SLC30A8: variants seen among roughly 807,000 people sequenced by gnomAD.
SLC30A8 encodes solute carrier family 30 member 8.
A neutral mutation model predicts 36.9 loss-of-function variants in SLC30A8; 27 were observed. The observed-to-expected ratio is 0.73, with a 90% CI of 0.54 to 1.01. The LOEUF (loss-of-function observed/expected upper bound fraction) is 1.01, where lower values mean the gene tolerates loss of function less well. Ranked by LOEUF, SLC30A8 falls within the 50% of genes least tolerant of loss-of-function variation. SLC30A8 has a pLI of 0.00. For missense variants in SLC30A8, 439 were observed against 452.0 expected (o/e 0.97, Z 0.26); for synonymous variants, 164 against 172.4 (o/e 0.95, Z 0.38).
chr8:116,965,235 G>T (rs527659414), intron 1 of SLC30A8, among the ~76,000 whole-genome samples: 1 of 152,282 alleles, frequency 6.6e-6, no homozygotes, highest in South Asian at 2.1e-4. Context: ...ACCACGCCTG[G>T]CTGGTAGTAC....
intron 2 of SLC30A8, among the ~76,000 whole-genome samples, chr8:117,086,534 G>A (rs955733287): frequency 6.6e-6 from 1 of 152,154 alleles, no homozygotes; most frequent in African/African-American, 2.4e-5. Context: ...TCAAACATCT[G>A]TGAATTGGCT....
At chr8:116,990,632 A>G (rs1815604897) in intron 1 of SLC30A8, among the ~76,000 whole-genome samples, 1 of 152,302 alleles carries the variant, frequency 6.6e-6, no homozygotes, top group South Asian at 2.1e-4. Flanking sequence ...ACTATATGCA[A>G]TGTGGTGTCT....
At chr8:117,103,220 G>A (rs969412305) in intron 2 of SLC30A8, among the ~76,000 whole-genome samples, 1 of 152,006 alleles carries the variant, frequency 6.6e-6, no homozygotes, top group Non-Finnish European at 1.5e-5. Flanking sequence ...GACAGCCACA[G>A]GGTAGAAAAT....
intron 2 of SLC30A8, among the ~76,000 whole-genome samples, chr8:117,103,709 A>C (rs1017892544): frequency 6.6e-6 from 1 of 152,110 alleles, no homozygotes; most frequent in African/African-American, 2.4e-5. Flanking sequence ...TCCTGGCTTC[A>C]AGCAATCCAT....
intron 2 of SLC30A8, among the ~76,000 whole-genome samples, chr8:117,068,025 A>T (rs1818220141): frequency 6.6e-6 from 1 of 152,256 alleles, no homozygotes; most frequent in Admixed American, 6.5e-5. Flanking sequence ...CTTTGAACAG[A>T]TTCATTTTTT....
At chr8:117,093,523 T>C (rs1052804286) in intron 2 of SLC30A8, among the ~76,000 whole-genome samples, 1 of 152,040 alleles carries the variant, frequency 6.6e-6, no homozygotes, top group Non-Finnish European at 1.5e-5. Context: ...CAGGAACTTA[T>C]ATTGGTTTAT....
intron 4 of SLC30A8, among the ~76,000 whole-genome samples, chr8:117,159,890 A>G (rs566286854): frequency 1.3e-5 from 2 of 152,360 alleles, no homozygotes; most frequent in African/African-American, 2.4e-5. Flanking sequence ...CTAAACAGAT[A>G]TCATCCAAAT....
At chr8:117,169,165 A>G (rs993152908) in intron 6 of SLC30A8, among the ~76,000 whole-genome samples, 26 of 152,276 alleles carry the variant, frequency 1.7e-4, no homozygotes, top group African/African-American at 6.3e-4. Flanking sequence ...ATAGAGTAAA[A>G]TAGCATGATA....
intron 2 of SLC30A8, among the ~76,000 whole-genome samples, chr8:117,039,750 GT>G (rs951367155): frequency 6.6e-6 from 1 of 152,178 alleles, no homozygotes; most frequent in East Asian, 1.9e-4. Flanking sequence ...CTTTTATTAT[GT>G]TTTTAGCTTT....
intron 1 of SLC30A8, among the ~76,000 whole-genome samples, chr8:117,143,989 C>T (rs994455947): frequency 6.6e-6 from 1 of 152,086 alleles, no homozygotes; most frequent in African/African-American, 2.4e-5. Flanking sequence ...ACTTGGCTTT[C>T]CCTGGTCATA....
intron 2 of SLC30A8, among the ~76,000 whole-genome samples, chr8:117,063,993 G>C (rs996355348): frequency 1.3e-5 from 2 of 150,020 alleles, no homozygotes; most frequent in Non-Finnish European, 1.5e-5. Context: ...GGCTACCTTA[G>C]AAAAAAATCC....
chr8:116,958,527 G>A (rs775969370), intron 1 of SLC30A8, among the ~76,000 whole-genome samples: 5 of 151,956 alleles, frequency 3.3e-5, no homozygotes, highest in Non-Finnish European at 7.4e-5. Flanking sequence ...ATCATTTCCA[G>A]TGAGAATTCT....
At chr8:117,153,217 T>C (rs189843478) in intron 3 of SLC30A8, 127 bp downstream of exon 3, 42 of 901,122 alleles carry the variant, frequency 4.7e-5, no homozygotes, top group Admixed American at 2.1e-4. Context: ...ATGCACAGGA[T>C]AAAACAAATG....
At position 116,995,820 on chromosome 8, in the gene SLC30A8, C is replaced by T. The variant is rs531738805; in HGVS notation, c.-265-43399C>T. ...TGTAAGTCTGGCTTTCTTCATGGTTCGGGACAGATAGCCGTCCTGCACAGA... is the reference window on the plus strand; with the variant it reads ...TGTAAGTCTGGCTTTCTTCATGGTTTGGGACAGATAGCCGTCCTGCACAGA... On this transcript the variant is annotated intron_variant, in intron 1 of 10. Transcript: ENST00000427715. 4.7e-4 allele frequency among the ~76,000 whole-genome samples: 72 copies of T among 152,132 alleles called. 1 individual carries two copies. Among genetic ancestry groups the T allele is most frequent in the African/African-American group, 1.5e-3 (64 of 41,440 alleles).
intron 2 of SLC30A8, among the ~76,000 whole-genome samples, chr8:117,072,018 G>A (rs889404041): frequency 6.6e-6 from 1 of 152,142 alleles, no homozygotes; most frequent in Non-Finnish European, 1.5e-5. Flanking sequence ...TCCTCATCAG[G>A]AGCTTCCTTC....
At chr8:116,983,203 T>G (rs1815335134) in intron 1 of SLC30A8, among the ~76,000 whole-genome samples, 1 of 152,158 alleles carries the variant, frequency 6.6e-6, no homozygotes, top group African/African-American at 2.4e-5. Context: ...TAATAAAAAT[T>G]AAGATGCATT....
chr8:117,052,250 A>G (rs1817733042), intron 2 of SLC30A8, among the ~76,000 whole-genome samples: 1 of 152,178 alleles, frequency 6.6e-6, no homozygotes, highest in East Asian at 1.9e-4. Flanking sequence ...ACCTCAGGTT[A>G]TCCACCTGCC....
intron 1 of SLC30A8, among the ~76,000 whole-genome samples, chr8:117,004,526 T>G (rs1466000127): frequency 6.6e-6 from 1 of 152,120 alleles, no homozygotes; most frequent in Non-Finnish European, 1.5e-5. Flanking sequence ...CGTGTCCCTG[T>G]CTATATGGAC....
chr8:116,985,640 TATC>T (rs1815419009), intron 1 of SLC30A8, among the ~76,000 whole-genome samples: 1 of 152,054 alleles, frequency 6.6e-6, no homozygotes, highest in South Asian at 2.1e-4. Flanking sequence ...ATTTTGATAA[TATC>T]AACAAATTCT....
Sources: allele counts gnomAD v4.1 joint callset (sites outside exome capture counted in the v4.1 genomes callset), GRCh38; gene constraint gnomAD v4.1.1; transcripts MANE v1.5; gene names NCBI Gene and HGNC (gene_info 2026-07-23, HGNC 2026-07-21).